TBC1D13: variants seen among roughly 807,000 people sequenced by gnomAD.
TBC1D13 encodes the protein epididymis secretory sperm binding protein.
TBC1D13 carries 40 observed loss-of-function variants against 53.6 expected under a neutral mutation model. The ratio of observed to expected loss-of-function variants is 0.75; its 90% confidence interval spans 0.58 to 0.97. The LOEUF (loss-of-function observed/expected upper bound fraction) is 0.97. TBC1D13 is among the 50% of genes least tolerant of loss of function. The pLI, the probability that TBC1D13 is intolerant of heterozygous loss-of-function variation, is 0.00. For missense variants in TBC1D13, 377 were observed against 499.4 expected (o/e 0.75, Z 2.34); for synonymous variants, 182 against 197.7 (o/e 0.92, Z 0.67).
At chr9:128,793,027 G>A (rs4836628) in intron 6 of TBC1D13, among the ~76,000 whole-genome samples, 131,596 of 152,254 alleles carry the variant, frequency 0.86, 58,326 homozygotes, top group Non-Finnish European at 0.96. Context: ...AAAATTTGAG[G>A]GGGTTTGGGG....
At chr9:128,807,414 AC>A (rs1407738181) in intron 11 of TBC1D13, among the ~76,000 whole-genome samples, 1 of 152,004 alleles carries the variant, frequency 6.6e-6, no homozygotes, top group East Asian at 1.9e-4. Flanking sequence ...AACTTCATGG[AC>A]CAGATCTGGA....
chr9:128,790,513 G>T (rs1829511886), intron 2 of TBC1D13, among the ~76,000 whole-genome samples: 1 of 152,238 alleles, frequency 6.6e-6, no homozygotes, highest in East Asian at 1.9e-4. Context: ...GGCGGAGGCT[G>T]CAGTGAGCCG....
intron 7 of TBC1D13, among the ~76,000 whole-genome samples, chr9:128,800,367 CTTTTTTTT>C (rs780656078): frequency 6.6e-5 from 7 of 106,714 alleles, no homozygotes; most frequent in African/African-American, 2.5e-4. Context: ...TATCTTCCAA[CTTTTTTTT>C]TTTTTTTTTT....
chr9:128,788,002 G>A (rs1464846135), intron 1 of TBC1D13, among the ~76,000 whole-genome samples: 1 of 152,188 alleles, frequency 6.6e-6, no homozygotes, highest in African/African-American at 2.4e-5. Context: ...TGGCCGGCAG[G>A]AAGTGCCCAG....
intron 3 of TBC1D13, among the ~76,000 whole-genome samples, 156 bp downstream of exon 3, chr9:128,790,931 T>G (rs1829521865): frequency 6.6e-6 from 1 of 152,242 alleles, no homozygotes; most frequent in East Asian, 1.9e-4. Flanking sequence ...CTGTTCCTCT[T>G]GGTGTCTTCT....
At position 128,792,573 on chromosome 9, in the gene TBC1D13, C is replaced by T. The variant is rs1352131203; in HGVS notation, c.382C>T (p.Arg128Trp). The T allele has an allele frequency of 1.1e-5, 17 of 1,613,686 alleles. No homozygotes were observed. The highest frequency in any genetic ancestry group is 1.2e-5 in the Non-Finnish European group (14 of 1,179,834). The change falls in exon 6 of 12, where the codon CGG (arginine) becomes TGG (tryptophan). Residue 128 changes from arginine (R) to tryptophan (W), a missense_variant and splice_region_variant. Physicochemically the swap from Arg to Trp is moderately radical, Grantham distance 101. Coordinates refer to ENST00000372648, the MANE Select transcript of TBC1D13 (RefSeq NM_018201.5). The part of the protein sequence containing the change: ...EVLLQIDKDV[R>W]RLCPDISFFQ... ...GCTGCTGCAGATCGACAAAGATGTC[C>T]GGTAGGCAGGGTGCCTGGGGCCGGG...
chr9:128,796,217 T>C (rs1012428112), intron 6 of TBC1D13, among the ~76,000 whole-genome samples: 20 of 151,774 alleles, frequency 1.3e-4, no homozygotes, highest in Admixed American at 3.3e-4. Flanking sequence ...TCCCCAGTAG[T>C]TGGGATTACA....
chr9:128,800,142 C>G (rs1829706851), intron 7 of TBC1D13, among the ~76,000 whole-genome samples: 1 of 152,180 alleles, frequency 6.6e-6, no homozygotes, highest in African/African-American at 2.4e-5. Flanking sequence ...AGTTTAATGT[C>G]TCCAGGACCC....
rs1829830472 is a variant in TBC1D13, at chr9:128,806,241, C to A, written c.1080-13C>A. ...ATCCCAGGTCCCAGCGCTTTTGCTGCTGCTTTTCATAGGCTGATCCGGGAG... is the reference window on the plus strand; with the variant it reads ...ATCCCAGGTCCCAGCGCTTTTGCTGATGCTTTTCATAGGCTGATCCGGGAG... On this transcript the variant is annotated splice_polypyrimidine_tract_variant and intron_variant, in intron 10 of 11. Coordinates refer to ENST00000372648, the MANE Select transcript of TBC1D13 (RefSeq NM_018201.5). The A allele has an allele frequency of 1.2e-6, 2 of 1,613,518 alleles. No homozygotes were observed. The highest frequency in any genetic ancestry group is 1.7e-6 in the Non-Finnish European group (2 of 1,179,396).
chr9:128,809,803 T>TGGGAAGAGAACTGGGCTGACTCCA lies in TBC1D13; in HGVS notation c.*1927_*1950dup, dbSNP rs1192137435. ...TCTGTACTGGAATTGAGTGTAAAGA[T>TGGGAAGAGAACTGGGCTGACTCCA]GGGAAGAGAACTGGGCTGACTCCAG... On this transcript the variant is annotated 3_prime_UTR_variant, in exon 12 of 12. Coordinates refer to ENST00000372648, the MANE Select transcript of TBC1D13 (RefSeq NM_018201.5). The TGGGAAGAGAACTGGGCTGACTCCA allele has an allele frequency of 5.3e-5, 8 of 152,190 alleles. No homozygotes were observed. Among genetic ancestry groups the TGGGAAGAGAACTGGGCTGACTCCA allele is most frequent in the African/African-American group, 1.7e-4 (7 of 41,418 alleles). 9.4% of individuals were successfully genotyped at this position (152,190 alleles called of 1,614,324 possible).
At position 128,793,879 on chromosome 9, in the gene TBC1D13, G is replaced by C. The variant is rs184209677; in HGVS notation, c.383+1305G>C. ...GCTCCTTCTCAAGGAATGGCCGAGT[G>C]CCGGTGTCAGAAGGGGTTTAGGAGT... On this transcript the variant is annotated intron_variant, in intron 6 of 11. Coordinates refer to ENST00000372648, the MANE Select transcript of TBC1D13 (RefSeq NM_018201.5). Among the ~76,000 whole-genome samples, 85 of 152,342 alleles carry C rather than the reference G, an allele frequency of 5.6e-4. No homozygotes were observed. In the Middle Eastern group the frequency reaches 0.017, roughly 30 times the overall value.
At chr9:128,801,761 TTTTTTG>T (rs978586538) in intron 7 of TBC1D13, among the ~76,000 whole-genome samples, 5 of 120,622 alleles carry the variant, frequency 4.1e-5, no homozygotes, top group African/African-American at 1.5e-4. Context: ...TTGTTTTTTG[TTTTTTG>T]TTTTTTTTTT....
intron 2 of TBC1D13, chr9:128,789,812 T>TATATATATGTGTATGTATAA (rs11269563): frequency 2.3e-5 from 3 of 132,396 alleles, no homozygotes; most frequent in Non-Finnish European, 4.7e-5. Flanking sequence ...TATATATATA[T>TATATATATGTGTATGTATAA]AATAATTCCA....
chr9:128,803,648 T>C (rs1333118063), intron 8 of TBC1D13, among the ~76,000 whole-genome samples, 188 bp downstream of exon 8: 1 of 152,202 alleles, frequency 6.6e-6, no homozygotes, highest in Non-Finnish European at 1.5e-5. Flanking sequence ...TATTTGTAAT[T>C]TAATTCTGAT....
At chr9:128,804,733 T>TG (rs1564426889) in intron 9 of TBC1D13, among the ~76,000 whole-genome samples, 19 of 102,738 alleles carry the variant, frequency 1.8e-4, no homozygotes, top group African/African-American at 8.8e-4. Flanking sequence ...TTTTTTTTTT[T>TG]TTTTTTTTTT....
chr9:128,808,488 C>G lies in TBC1D13; in HGVS notation c.*609C>G. The G allele has an allele frequency of 6.4e-6, 1 of 157,388 alleles. No homozygotes were observed. Among genetic ancestry groups the G allele is most frequent in the Non-Finnish European group, 1.4e-5 (1 of 73,732 alleles). The allele number at this position is 157,388 out of a possible 1,614,324, so 9.7% of individuals were successfully genotyped here. On this transcript the variant is annotated 3_prime_UTR_variant, in exon 12 of 12. Coordinates refer to ENST00000372648, the MANE Select transcript of TBC1D13 (RefSeq NM_018201.5). ...GTGAGGGTCTCTCAGGCCTCCAGGT[C>G]TCCCAGCCCCTCCTTCTCTGTCTCT...
rs3138859 is a variant in TBC1D13 at position 128,808,408 on chromosome 9, CGTGTGT to C, written c.*572_*577del. On this transcript the variant is annotated 3_prime_UTR_variant, in exon 12 of 12. Transcript: ENST00000372648. Reference sequence around the variant, plus strand: ...GGCCCAAGTCCCCAGGCATCTTCTCCGTGTGTGTGTGTGTGTGTGTGTGTGTGTGTG... The same window carrying C: ...GGCCCAAGTCCCCAGGCATCTTCTCCGTGTGTGTGTGTGTGTGTGTGTGTG... The C allele has an allele frequency of 1.4e-3, 167 of 121,794 alleles. No individual in the cohort carries two copies. Among genetic ancestry groups the C allele is most frequent in the Admixed American group, 2.6e-3 (30 of 11,328 alleles). 7.5% of individuals were successfully genotyped at this position (121,794 alleles called of 1,614,324 possible).
rs1448842071 is a variant in TBC1D13, at chr9:128,805,977, A to G, written c.1037A>G (p.Asn346Ser). Residue 346 changes from asparagine to serine, a missense_variant, in exon 10 of 12, where the codon AAC (asparagine) becomes AGC (serine). Physicochemically the swap from Asn to Ser is conservative, Grantham distance 46. Transcript: ENST00000372648. ...TGGGACTCCCTCTTCGCCGATGACA[A>G]CCGCTTTGACTTCCTCCTCCTCGTC... The part of the protein sequence containing the change: ...RIWDSLFADD[N>S]RFDFLLLVCC... The G allele has an allele frequency of 6.2e-7, 1 of 1,614,150 alleles. No individual in the cohort carries two copies. The highest frequency in any genetic ancestry group is 1.3e-5 in the African/African-American group (1 of 75,038).
In TBC1D13 at chr9:128,799,973, A is replaced by G. The variant is rs193290889; in HGVS notation, c.543+2759A>G. Among the ~76,000 whole-genome samples the G allele has an allele frequency of 5.5e-3, 845 of 152,368 alleles. 4 individuals are homozygous for G. Among genetic ancestry groups the G allele is most frequent in the Non-Finnish European group, 9.3e-3 (631 of 68,034 alleles). Reference sequence around the variant, plus strand: ...GAGGCAGAGCTTGCAGTGAGCCGAAATCGCGCCACTGCACTCCAGCCTGGG... The same window carrying G: ...GAGGCAGAGCTTGCAGTGAGCCGAAGTCGCGCCACTGCACTCCAGCCTGGG... On this transcript the variant is annotated intron_variant, in intron 7 of 11. Coordinates refer to ENST00000372648, the MANE Select transcript of TBC1D13 (RefSeq NM_018201.5).
Sources: allele counts gnomAD v4.1 joint callset (sites outside exome capture counted in the v4.1 genomes callset), GRCh38; gene constraint gnomAD v4.1.1; transcripts MANE v1.5; gene names NCBI Gene and HGNC (gene_info 2026-07-23, HGNC 2026-07-21).